SLC27A2: variants seen among roughly 807,000 people sequenced by gnomAD.
The protein encoded by SLC27A2 is long-chain fatty acid transport protein 2.
SLC27A2 carries 54 observed loss-of-function variants against 60.0 expected under a neutral mutation model. That is an observed-to-expected ratio of 0.90 (90% CI 0.72 to 1.13). The LOEUF is 1.13. Among genes scored for constraint, SLC27A2 ranks in the 50% most tolerant of loss-of-function variants. The pLI, the probability that SLC27A2 is intolerant of heterozygous loss-of-function variation, is 0.00. For missense variants in SLC27A2, 739 were observed against 777.6 expected, an observed-to-expected ratio of 0.95 and a Z score of 0.59; for synonymous variants, 297 against 297.6, an observed-to-expected ratio of 1.00 and a Z score of 0.02.
chr15:50,190,540 A>G (rs1447704485), intron 1 of SLC27A2, among the ~76,000 whole-genome samples: 1 of 151,880 alleles, frequency 6.6e-6, no homozygotes, highest in Non-Finnish European at 1.5e-5. Context: ...ATGAAGATTG[A>G]TTCAGCTCAC....
chr15:50,216,610 GTATATATATATATATATATATATA>G (rs59683706), intron 4 of SLC27A2, among the ~76,000 whole-genome samples: 1 of 66,492 alleles, frequency 1.5e-5, no homozygotes, highest in South Asian at 5.4e-4. Context: ...GTGTGTGTGT[GTATATATATATATATATATATATA>G]TATATATATA....
At chr15:50,187,151 C>T (rs2044931354) in intron 1 of SLC27A2, among the ~76,000 whole-genome samples, 1 of 152,198 alleles carries the variant, frequency 6.6e-6, no homozygotes. Flanking sequence ...TACAGAAAGT[C>T]AAGACTCATA....
intron 2 of SLC27A2, among the ~76,000 whole-genome samples, chr15:50,199,248 G>A (rs2045046664): frequency 2.0e-5 from 3 of 152,006 alleles, no homozygotes; most frequent in Admixed American, 2.0e-4. Context: ...GCCGAGGCAG[G>A]CAGATCACGA....
intron 1 of SLC27A2, among the ~76,000 whole-genome samples, chr15:50,190,098 T>G (rs2044961327): frequency 6.6e-6 from 1 of 152,168 alleles, no homozygotes; most frequent in Non-Finnish European, 1.5e-5. Flanking sequence ...CACATGCATG[T>G]CTCTCTCTCT....
intron 1 of SLC27A2, among the ~76,000 whole-genome samples, chr15:50,185,159 T>C (rs920939841): frequency 6.6e-6 from 1 of 152,176 alleles, no homozygotes; most frequent in Non-Finnish European, 1.5e-5. Context: ...ATAATACAGT[T>C]TGATTCTGCA....
chr15:50,207,193 G>A (rs889530017), intron 4 of SLC27A2, among the ~76,000 whole-genome samples: 6 of 152,120 alleles, frequency 3.9e-5, no homozygotes, highest in Admixed American at 3.3e-4. Flanking sequence ...ATATGTTTGT[G>A]TGTAGCTGTC....
intron 1 of SLC27A2, among the ~76,000 whole-genome samples, chr15:50,183,131 T>C (rs1411932248): frequency 5.9e-5 from 9 of 152,224 alleles, no homozygotes; most frequent in Non-Finnish European, 1.2e-4. Context: ...CTACAGGCAG[T>C]GTGGTTTTTA....
chr15:50,230,989 G>A (rs1367318842), intron 8 of SLC27A2, among the ~76,000 whole-genome samples: 1 of 152,142 alleles, frequency 6.6e-6, no homozygotes, highest in Non-Finnish European at 1.5e-5. Context: ...AATCTCTGGG[G>A]TGGGGCCAGG....
chr15:50,207,790 A>G (rs923976537), intron 4 of SLC27A2, among the ~76,000 whole-genome samples: 1 of 126,126 alleles, frequency 7.9e-6, no homozygotes, highest in Admixed American at 7.7e-5. Flanking sequence ...ACCCTGTCTC[A>G]AAAAAAAAAA....
Position 50,182,330 on chromosome 15 carries a change from C to T in SLC27A2, c.-98C>T. On this transcript the variant is annotated 5_prime_UTR_variant, in exon 1 of 10. Transcript: ENST00000267842. ...CGGCGTCCCGCCGCGTGCGCCCCGG[C>T]GCAGCCCGCCAGTCCGCCCGGAGCC... 1.5e-6 allele frequency: 2 copies of T among 1,348,480 alleles called. No individual in the cohort carries two copies. Among genetic ancestry groups the T allele is most frequent in the Non-Finnish European group, 1.9e-6 (2 of 1,051,274 alleles). 83.5% of individuals were successfully genotyped at this position (1,348,480 alleles called of 1,614,324 possible).
chr15:50,223,623 C>G (rs772424432), intron 5 of SLC27A2, among the ~76,000 whole-genome samples: 3 of 152,144 alleles, frequency 2.0e-5, no homozygotes, highest in Non-Finnish European at 2.9e-5. Context: ...CATCTCAGTG[C>G]TAGGATCTGG....
intron 4 of SLC27A2, among the ~76,000 whole-genome samples, chr15:50,213,070 A>G (rs1432723378): frequency 2.0e-5 from 3 of 152,220 alleles, no homozygotes; most frequent in Non-Finnish European, 4.4e-5. Flanking sequence ...CACCTAGCAC[A>G]TAAGGACTCA....
intron 1 of SLC27A2, among the ~76,000 whole-genome samples, chr15:50,196,918 T>C: frequency 6.6e-6 from 1 of 152,294 alleles, no homozygotes. Context: ...CTTCTTTTCA[T>C]TTCTCTTCTC....
At chr15:50,235,034 C>T (rs1011940615) in intron 9 of SLC27A2, among the ~76,000 whole-genome samples, 2 of 152,138 alleles carry the variant, frequency 1.3e-5, no homozygotes, top group African/African-American at 2.4e-5. Context: ...TAACTATCAC[C>T]GCTAGGAGGA....
Position 50,223,054 on chromosome 15 carries a change from G to A in SLC27A2, c.1062G>A (p.Gly354=), listed in dbSNP as rs1399204309. Residue 354 remains glycine, a synonymous_variant, in exon 5 of 10, where the codon GGG becomes GGA. Coordinates refer to ENST00000267842, the MANE Select transcript of SLC27A2 (RefSeq NM_003645.4). ...DVWRQFVKRF[G]DICIYEFYAA... The stretch of plus-strand genomic sequence containing the variant: ...GGAGACAATTTGTCAAGAGATTTGG[G>A]GACATATGCATCTATGAGTTCTATG... 6.2e-7 allele frequency: 1 copy of A among 1,613,878 alleles called. No homozygotes were observed. Among genetic ancestry groups the A allele is most frequent in the South Asian group, 1.1e-5 (1 of 91,056 alleles).
chr15:50,195,813 T>C (rs551701137), intron 1 of SLC27A2, among the ~76,000 whole-genome samples: 1 of 151,290 alleles, frequency 6.6e-6, no homozygotes, highest in East Asian at 2.0e-4. Flanking sequence ...CCCAGCACTT[T>C]GGGAGGCCGA....
chr15:50,191,982 C>G (rs1396608954), intron 1 of SLC27A2, among the ~76,000 whole-genome samples: 1 of 151,878 alleles, frequency 6.6e-6, no homozygotes, highest in African/African-American at 2.4e-5. Flanking sequence ...GCCGCTTGAA[C>G]CCAGGAGGCA....
intron 4 of SLC27A2, among the ~76,000 whole-genome samples, chr15:50,216,507 C>T (rs1415078001): frequency 3.3e-5 from 5 of 150,956 alleles, no homozygotes; most frequent in Non-Finnish European, 4.4e-5. Context: ...TACTTCTACA[C>T]GCATTTTTAT....
intron 4 of SLC27A2, among the ~76,000 whole-genome samples, chr15:50,206,883 T>C (rs1313027000): frequency 6.6e-6 from 1 of 152,234 alleles, no homozygotes; most frequent in Admixed American, 6.5e-5. Flanking sequence ...CATATTATTC[T>C]GATTTTTTGG....
Sources: gnomAD v4.1 joint callset for allele counts (sites outside exome capture counted in the v4.1 genomes callset) on GRCh38, gnomAD v4.1.1 for gene constraint, MANE v1.5 for transcripts, NCBI Gene and HGNC (gene_info 2026-07-23, HGNC 2026-07-21) for gene names.